The following CHCHD6 variants were observed in gnomAD, a reference collection of about 807,000 sequenced individuals.
The protein encoded by CHCHD6 is coiled-coil-helix-coiled-coil-helix domain containing 6.
Under a neutral mutation model 32.3 loss-of-function variants are expected in CHCHD6, and 28 were observed. The ratio of observed to expected loss-of-function variants is 0.87; its 90% CI spans 0.64 to 1.19. The LOEUF (loss-of-function observed/expected upper bound fraction) is 1.19. Among genes scored for constraint, CHCHD6 ranks in the 50% most tolerant of loss-of-function variants. CHCHD6 has a pLI of 0.00. For synonymous variants in CHCHD6, 122 were observed against 117.5 expected (o/e 1.04, Z -0.25); for missense variants, 333 against 307.0 (o/e 1.08, Z -0.63).
At chr3:126,861,565 A>T (rs1016391416) in intron 5 of CHCHD6, among the ~76,000 whole-genome samples, 1 of 148,010 alleles carries the variant, frequency 6.8e-6, no homozygotes. Flanking sequence ...CAGCACCACC[A>T]CCTCATCCTC....
At chr3:126,833,938 T>C (rs563053104) in intron 4 of CHCHD6, among the ~76,000 whole-genome samples, 166 of 149,058 alleles carry the variant, frequency 1.1e-3, no homozygotes, top group Non-Finnish European at 1.9e-3. Context: ...CCTGTAGTCC[T>C]AGCTACTTGG....
intron 4 of CHCHD6, among the ~76,000 whole-genome samples, chr3:126,779,393 T>G (rs559841909): frequency 6.6e-6 from 1 of 151,988 alleles, no homozygotes; most frequent in Non-Finnish European, 1.5e-5. Flanking sequence ...AAAAATTAGC[T>G]GGGCATGGTG....
At chr3:126,937,038 T>C (rs2078490325) in intron 6 of CHCHD6, among the ~76,000 whole-genome samples, 2 of 152,234 alleles carry the variant, frequency 1.3e-5, no homozygotes, top group South Asian at 4.1e-4. Flanking sequence ...CTGAGGAATT[T>C]GCTCCAGGTC....
chr3:126,864,708 T>C (rs988910263), intron 5 of CHCHD6, among the ~76,000 whole-genome samples: 222 of 60,602 alleles, frequency 3.7e-3, no homozygotes, highest in Middle Eastern at 0.015. Flanking sequence ...TCATCTCCTC[T>C]TCCTCCTCCA....
At chr3:126,755,960 C>T (rs1422617364) in intron 4 of CHCHD6, among the ~76,000 whole-genome samples, 2 of 152,076 alleles carry the variant, frequency 1.3e-5, no homozygotes, top group South Asian at 4.2e-4. Flanking sequence ...TAGGTAGGGG[C>T]AGTGTTGACC....
At chr3:126,862,330 A>G (rs1941942843) in intron 5 of CHCHD6, among the ~76,000 whole-genome samples, 1 of 129,246 alleles carries the variant, frequency 7.7e-6, no homozygotes, top group Non-Finnish European at 1.7e-5. Context: ...CTCCTCCTCC[A>G]CCATCACCTC....
chr3:126,805,649 G>T (rs1049992289), intron 4 of CHCHD6, among the ~76,000 whole-genome samples: 2 of 152,174 alleles, frequency 1.3e-5, no homozygotes, highest in Admixed American at 1.3e-4. Context: ...TAGATTCAAT[G>T]CCCTCCCCAT....
At chr3:126,725,270 A>C (rs1328515005) in intron 1 of CHCHD6, among the ~76,000 whole-genome samples, 3 of 152,216 alleles carry the variant, frequency 2.0e-5, no homozygotes, top group Non-Finnish European at 4.4e-5. Flanking sequence ...GGAGGCATGA[A>C]AATAACATTC....
intron 4 of CHCHD6, among the ~76,000 whole-genome samples, chr3:126,846,830 T>TTGTG (rs1333619179): frequency 6.6e-6 from 1 of 152,134 alleles, no homozygotes; most frequent in Non-Finnish European, 1.5e-5. Flanking sequence ...GTACACGTGT[T>TTGTG]TGTGTGTGTG....
chr3:126,827,943 C>T (rs1463945557), intron 4 of CHCHD6, among the ~76,000 whole-genome samples: 2 of 152,120 alleles, frequency 1.3e-5, no homozygotes, highest in African/African-American at 2.4e-5. Context: ...TCCTATTTGG[C>T]TCTCTCCTCC....
chr3:126,947,400 G>C (rs2078654858), intron 6 of CHCHD6, among the ~76,000 whole-genome samples: 2 of 152,204 alleles, frequency 1.3e-5, no homozygotes, highest in Admixed American at 6.5e-5. Flanking sequence ...TGTGGTTCGG[G>C]GCAACTGTCT....
chr3:126,890,053 G>A (rs529737200), intron 5 of CHCHD6, among the ~76,000 whole-genome samples: 1 of 152,358 alleles, frequency 6.6e-6, no homozygotes, highest in Non-Finnish European at 1.5e-5. Context: ...GGCCCATGTG[G>A]AGAGGGCCAG....
intron 4 of CHCHD6, among the ~76,000 whole-genome samples, chr3:126,807,164 A>G (rs1284962953): frequency 2.6e-5 from 4 of 151,574 alleles, no homozygotes; most frequent in Admixed American, 6.6e-5. Flanking sequence ...TAACCTTCAC[A>G]TTGTGCACAT....
At chr3:126,871,651 G>C (rs1054414277) in intron 5 of CHCHD6, among the ~76,000 whole-genome samples, 1 of 144,436 alleles carries the variant, frequency 6.9e-6, no homozygotes. Flanking sequence ...TCTTCCCCCC[G>C]ACCCCCCAAC....
At chr3:126,710,577 T>G (rs1402500955) in intron 1 of CHCHD6, among the ~76,000 whole-genome samples, 1 of 152,234 alleles carries the variant, frequency 6.6e-6, no homozygotes, top group Non-Finnish European at 1.5e-5. Context: ...ACACGAAATA[T>G]CTCTTCATTC....
At chr3:126,924,185 G>T (rs771649803) in intron 6 of CHCHD6, among the ~76,000 whole-genome samples, 2 of 152,194 alleles carry the variant, frequency 1.3e-5, no homozygotes, top group South Asian at 4.1e-4. Context: ...GGGAAAAAGC[G>T]ATTTGTAGTT....
chr3:126,906,519 T>A (rs1449528769), intron 5 of CHCHD6, among the ~76,000 whole-genome samples: 1 of 152,244 alleles, frequency 6.6e-6, no homozygotes, highest in Non-Finnish European at 1.5e-5. Flanking sequence ...CTCATCTTGC[T>A]GCTTTACGCC....
intron 4 of CHCHD6, among the ~76,000 whole-genome samples, chr3:126,802,230 T>C (rs1359285464): frequency 6.6e-6 from 1 of 152,022 alleles, no homozygotes; most frequent in Non-Finnish European, 1.5e-5. Context: ...CTTTGATGAG[T>C]TGAGAGAAGA....
At chr3:126,752,716 T>TC (rs775501564) in intron 4 of CHCHD6, among the ~76,000 whole-genome samples, 1 of 152,196 alleles carries the variant, frequency 6.6e-6, no homozygotes, top group Non-Finnish European at 1.5e-5. Flanking sequence ...AGCATCCCGT[T>TC]CGTTCTCCCT....
Sources: allele counts gnomAD v4.1 joint callset (sites outside exome capture counted in the v4.1 genomes callset), GRCh38; gene constraint gnomAD v4.1.1; transcripts MANE v1.5; gene names NCBI Gene and HGNC (gene_info 2026-07-23, HGNC 2026-07-21).